Variants in KIAA1217 observed in about 807,000 individuals in gnomAD.
The protein encoded by KIAA1217 is KIAA1217, also known as sickle tail protein homolog.
A neutral mutation model predicts 163.9 loss-of-function variants in KIAA1217; 88 were observed. The ratio of observed to expected loss-of-function variants is 0.54; its 90% CI spans 0.45 to 0.64. The LOEUF is 0.64. Among genes scored for constraint, KIAA1217 ranks in the 30% least tolerant of loss-of-function variants. The probability of loss-of-function intolerance (pLI) is 0.00; values close to 1 mark genes in which losing one functional copy is unlikely to be tolerated. For synonymous variants in KIAA1217, 903 were observed against 923.1 expected (o/e 0.98, Z 0.39); for missense variants, 2,372 against 2,475.0 (o/e 0.96, Z 0.88).
chr10:24,521,935 C>G lies in KIAA1217; in HGVS notation c.2456+6C>G. On this transcript the variant is annotated splice_donor_region_variant and intron_variant, in intron 12 of 20. Coordinates refer to ENST00000376454, the MANE Select transcript of KIAA1217 (RefSeq NM_019590.5). ...GTCCTGACCATGCTGCGGAGGTGAC[C>G]GGGCCCTCATCGTGCTGGGGGTGGC... The G allele has an allele frequency of 6.2e-7, 1 of 1,601,162 alleles. No individual in the cohort carries two copies. The highest frequency in any genetic ancestry group is 8.5e-7 in the Non-Finnish European group (1 of 1,172,372).
chr10:24,099,125 G>A (rs1030421366), intron 2 of KIAA1217, among the ~76,000 whole-genome samples: 2 of 151,946 alleles, frequency 1.3e-5, no homozygotes, highest in African/African-American at 4.8e-5. Context: ...CTCCCAGGAA[G>A]AAGTTGGGAA....
intron 2 of KIAA1217, among the ~76,000 whole-genome samples, chr10:24,176,858 G>A (rs11814682): frequency 0.018 from 2,681 of 152,018 alleles, 27 homozygotes; most frequent in Middle Eastern, 0.058. Flanking sequence ...TGCAGGTCCC[G>A]AGCCCTGCCC....
At chr10:23,853,400 G>T (rs1839463125) in intron 1 of KIAA1217, among the ~76,000 whole-genome samples, 1 of 152,136 alleles carries the variant, frequency 6.6e-6, no homozygotes, top group South Asian at 2.1e-4. Context: ...TTGATGTGCT[G>T]CTGGATTCGG....
intron 8 of KIAA1217, among the ~76,000 whole-genome samples, chr10:24,496,823 G>A (rs910137552): frequency 6.6e-6 from 1 of 152,154 alleles, no homozygotes; most frequent in African/African-American, 2.4e-5. Flanking sequence ...AAAAACTCTT[G>A]TCAATTTCTT....
chr10:24,410,584 T>C (rs948553822), intron 3 of KIAA1217, among the ~76,000 whole-genome samples: 6 of 152,212 alleles, frequency 3.9e-5, no homozygotes, highest in Non-Finnish European at 8.8e-5. Flanking sequence ...AGGAGAACTT[T>C]GATTTTACAC....
chr10:24,221,415 G>A (rs970596192), intron 2 of KIAA1217, among the ~76,000 whole-genome samples: 11 of 152,272 alleles, frequency 7.2e-5, no homozygotes, highest in African/African-American at 1.9e-4. Context: ...AGGGAGGAAA[G>A]CTCAGTGTTT....
At chr10:24,021,670 G>C (rs1856171) in intron 2 of KIAA1217, among the ~76,000 whole-genome samples, 48,115 of 151,600 alleles carry the variant, frequency 0.32, 7,819 homozygotes, top group East Asian at 0.38. Flanking sequence ...AGCTGGAGGA[G>C]TGATACTATC....
At position 23,758,329 on chromosome 10, in the gene KIAA1217, G is replaced by A. The variant is rs80001968; in HGVS notation, c.-321+63095G>A. On this transcript the variant is annotated intron_variant, in intron 1 of 18. Coordinates refer to the KIAA1217 transcript ENST00000376462. ...TTAAAAAAATTATCTTTTCCCCAGT[G>A]AATAGTCTTGGCACTCTTATTGGAA... 5.3e-4 allele frequency among the ~76,000 whole-genome samples: 81 copies of A among 151,884 alleles called. No homozygotes were observed. The East Asian group carries it at 0.014, about 26-fold the overall frequency.
At chr10:24,269,884 T>C (rs1380224845) in intron 2 of KIAA1217, among the ~76,000 whole-genome samples, 1 of 152,186 alleles carries the variant, frequency 6.6e-6, no homozygotes, top group Non-Finnish European at 1.5e-5. Flanking sequence ...CCGTACTATA[T>C]ACAATGCTAA....
intron 9 of KIAA1217, among the ~76,000 whole-genome samples, chr10:24,509,666 C>G (rs545438465): frequency 2.0e-4 from 30 of 152,304 alleles, no homozygotes; most frequent in African/African-American, 6.3e-4. Context: ...CCAAACTTAA[C>G]TACTAATAGC....
chr10:23,806,941 A>G lies in KIAA1217; in HGVS notation c.-321+111707A>G, dbSNP rs143284609. On this transcript the variant is annotated intron_variant, in intron 1 of 18. Coordinates refer to the KIAA1217 transcript ENST00000376462. ...TGCATTCACAATATCTTGGCCCATT[A>G]GCAGCTAGGACTTGTTTGGGCAGAG... is the stretch of plus-strand genomic sequence containing the variant. Among the ~76,000 whole-genome samples, 4 of 152,314 alleles carry G rather than the reference A, an allele frequency of 2.6e-5. No individual in the cohort carries two copies. The East Asian group carries it at 7.7e-4, about 29-fold the overall frequency.
chr10:23,944,031 AAG>A, intron 1 of KIAA1217, among the ~76,000 whole-genome samples: 1 of 152,366 alleles, frequency 6.6e-6, no homozygotes, highest in Middle Eastern at 3.4e-3. Context: ...AATTTTCTTT[AAG>A]AAAAGATACC....
chr10:24,466,762 AG>A (rs1223235755), intron 5 of KIAA1217: 1 of 985,304 alleles, frequency 1.0e-6, no homozygotes, highest in Admixed American at 6.1e-5. Context: ...TCACGGCGTT[AG>A]TTACACAGGT....
chr10:24,078,173 A>T (rs2061427192), intron 2 of KIAA1217, among the ~76,000 whole-genome samples: 1 of 152,174 alleles, frequency 6.6e-6, no homozygotes, highest in African/African-American at 2.4e-5. Flanking sequence ...TAGTAATAAA[A>T]ACACTTTTTA....
intron 1 of KIAA1217, among the ~76,000 whole-genome samples, chr10:23,768,066 A>T (rs1276269276): frequency 6.6e-6 from 1 of 152,228 alleles, no homozygotes; most frequent in Non-Finnish European, 1.5e-5. Context: ...CCAGTTAGAA[A>T]GTGGGTAGAG....
intron 8 of KIAA1217, among the ~76,000 whole-genome samples, chr10:24,496,804 CT>C (rs2066841632): frequency 1.3e-5 from 2 of 152,176 alleles, no homozygotes; most frequent in African/African-American, 4.8e-5. Flanking sequence ...TGTTTCATTT[CT>C]TTGTTCTAAA....
chr10:23,893,246 C>T (rs1841493486), intron 1 of KIAA1217, among the ~76,000 whole-genome samples: 1 of 152,046 alleles, frequency 6.6e-6, no homozygotes, highest in Admixed American at 6.6e-5. Flanking sequence ...AGGAATTTAT[C>T]CATTTCTTCC....
At chr10:24,367,136 G>C in intron 2 of KIAA1217, 2 of 985,528 alleles carry the variant, frequency 2.0e-6, no homozygotes, top group Non-Finnish European at 2.4e-6. Context: ...AGGGCATGCT[G>C]ATCTCTCTTC....
At chr10:24,037,312 A>T (rs11013863) in intron 2 of KIAA1217, among the ~76,000 whole-genome samples, 8,908 of 152,144 alleles carry the variant, frequency 0.059, 358 homozygotes, top group African/African-American at 0.11. Context: ...CTAAAAAAAT[A>T]AAAAATAAAA....
Sources: gnomAD v4.1 joint callset for allele counts (sites outside exome capture counted in the v4.1 genomes callset) on GRCh38, gnomAD v4.1.1 for gene constraint, MANE v1.5 for transcripts, NCBI Gene and HGNC (gene_info 2026-07-23, HGNC 2026-07-21) for gene names.